FBXO41: variants seen among roughly 807,000 people sequenced by gnomAD.
FBXO41 encodes the protein F-box protein 41.
Under a neutral mutation model 81.6 loss-of-function variants are expected in FBXO41, and 33 were observed. That is an observed-to-expected ratio of 0.40 (90% CI 0.31 to 0.54). The LOEUF is 0.54. FBXO41 is among the 20% of genes least tolerant of loss of function. The probability of loss-of-function intolerance (pLI) is 0.39; values close to 1 mark genes in which losing one functional copy is unlikely to be tolerated. For synonymous variants in FBXO41, 576 were observed against 552.7 expected, an observed-to-expected ratio of 1.04 and a Z score of -0.59; for missense variants, 1,107 against 1,236.0, an observed-to-expected ratio of 0.90 and a Z score of 1.56.
chr2:73,283,956 C>T (rs1010936158), intron 1 of FBXO41, among the ~76,000 whole-genome samples: 1 of 152,062 alleles, frequency 6.6e-6, no homozygotes, highest in Non-Finnish European at 1.5e-5. Flanking sequence ...AGCCTGGTCT[C>T]GAAACGTTCT....
intron 1 of FBXO41, among the ~76,000 whole-genome samples, chr2:73,282,627 C>T (rs546590986): frequency 1.3e-5 from 2 of 152,202 alleles, no homozygotes; most frequent in East Asian, 1.9e-4. Context: ...TGCTTGGGCC[C>T]GGAAGGTCAA....
In FBXO41 at chr2:73,266,495, C is replaced by T. The variant is rs775634567; in HGVS notation, c.1093G>A (p.Gly365Ser). ...CCCCGGGCATTGGGTCCAGCACCACCGCCCCCACCTCCACGGCCCAGGCTG... is the reference window on the plus strand; with the variant it reads ...CCCCGGGCATTGGGTCCAGCACCACTGCCCCCACCTCCACGGCCCAGGCTG... Reference protein sequence around the residue: ...SASLGRGGGGGGAGPNARGPG... With the variant: ...SASLGRGGGGSGAGPNARGPG... Residue 365 changes from glycine (G) to serine (S), a missense_variant, in exon 3 of 13, where the codon GGT becomes AGT. Transcript: ENST00000520530. This position sits in a 1 kb window ranked among gnomAD's most constrained non-coding sequence, Gnocchi z 5.3. The T allele has an allele frequency of 6.3e-6, 10 of 1,579,806 alleles. No homozygotes were observed. Among genetic ancestry groups the T allele is most frequent in the East Asian group, 4.7e-5 (2 of 42,860 alleles).
chr2:73,274,612 C>G (rs1376482053), intron 1 of FBXO41, among the ~76,000 whole-genome samples: 1 of 151,976 alleles, frequency 6.6e-6, no homozygotes, highest in Non-Finnish European at 1.5e-5. Context: ...TTTAAAATTC[C>G]AGAATATTTT....
chr2:73,260,305 C>A lies in FBXO41; in HGVS notation c.2449+84G>T. ...TTGGCTGGAGACTCTGATCCATCTG[C>A]CCCAGTGATAGTTAGGATACCTGCT... On this transcript the variant is annotated intron_variant, in intron 11 of 12. Transcript: ENST00000520530. The surrounding 1 kb of genome is among the most constrained non-coding windows in gnomAD (Gnocchi z 5.0). 6.6e-7 allele frequency: 1 copy of A among 1,503,860 alleles called. No individual in the cohort carries two copies. The highest frequency in any genetic ancestry group is 1.3e-5 in the South Asian group (1 of 77,892). 93.2% of individuals were successfully genotyped at this position (1,503,860 alleles called of 1,614,324 possible). A position where few individuals can be genotyped will look rare whatever the true frequency, so the allele number is the denominator to read the frequency against.
rs1219495833 is a variant in FBXO41, at chr2:73,268,589, G to A, written c.905+137C>T. 4.9e-6 allele frequency: 4 copies of A among 816,432 alleles called. No individual in the cohort carries two copies. The African/African-American group carries it at 7.0e-5, about 14-fold the overall frequency. 50.6% of individuals were successfully genotyped at this position (816,432 alleles called of 1,614,324 possible). A position where few individuals can be genotyped will look rare whatever the true frequency, so the allele number is the denominator to read the frequency against. ...CATCATGACACTCTTGGCCCCACATGCATGCTCCTGGCCACGGATCCTCTA... is the reference window on the plus strand; with the variant it reads ...CATCATGACACTCTTGGCCCCACATACATGCTCCTGGCCACGGATCCTCTA... On this transcript the variant is annotated intron_variant, in intron 2 of 12. Coordinates refer to ENST00000520530, the MANE Select transcript of FBXO41 (RefSeq NM_001371389.2).
chr2:73,283,750 CCCAG>C (rs982776416), intron 1 of FBXO41, among the ~76,000 whole-genome samples: 4 of 152,172 alleles, frequency 2.6e-5, no homozygotes, highest in Non-Finnish European at 5.9e-5. Context: ...CGCACAGGTG[CCCAG>C]CCAGGCCTCA....
At chr2:73,277,016 C>T (rs543137374) in intron 1 of FBXO41, among the ~76,000 whole-genome samples, 1 of 152,190 alleles carries the variant, frequency 6.6e-6, no homozygotes, top group East Asian at 1.9e-4. Flanking sequence ...CCAGAAGTAG[C>T]CAGCCTTCTC....
rs545069996 is a variant in FBXO41, at chr2:73,256,223, G to C, written c.*2759C>G. ...ATCTTACTGGGTATGAGATGTGAAG[G>C]GATCCCGTTTGGGTGGGTAAAGATG... On this transcript the variant is annotated 3_prime_UTR_variant, in exon 13 of 13. Transcript: ENST00000520530. The C allele has an allele frequency of 1.3e-5, 2 of 152,314 alleles. No homozygotes were observed. Among genetic ancestry groups the C allele is most frequent in the Non-Finnish European group, 2.9e-5 (2 of 68,140 alleles). The allele number at this position is 152,314 out of a possible 1,614,324, so 9.4% of individuals were successfully genotyped here. A position where few individuals can be genotyped will look rare whatever the true frequency, so the allele number is the denominator to read the frequency against.
At position 73,278,784 on chromosome 2, in the gene FBXO41, C is replaced by T. The variant is rs1330979767; in HGVS notation, c.-139+5376G>A. ...GGTAGGAGAAGAAAGACAATCGGAG[C>T]ACATGAAACAGCATGTATAAGGGCA... On this transcript the variant is annotated intron_variant, in intron 1 of 12. Transcript: ENST00000520530. Among the ~76,000 whole-genome samples the T allele has an allele frequency of 4.6e-5, 7 of 152,176 alleles. No individual in the cohort carries two copies. In the South Asian group the frequency reaches 1.4e-3, roughly 32 times the overall value.
rs563816937 is a variant in FBXO41 at position 73,264,560 on chromosome 2, A to C, written c.1565-41T>G. ...GGTTCAAAAGTGAGCGTGGAGGGTC[A>C]AGGCTGGTGTGGGGATGTGTGTGGG... On this transcript the variant is annotated intron_variant, in intron 5 of 12. Coordinates refer to ENST00000520530, the MANE Select transcript of FBXO41 (RefSeq NM_001371389.2). 7.4e-5 allele frequency: 119 copies of C among 1,608,482 alleles called. No individual in the cohort carries two copies. In the South Asian group the frequency reaches 1.1e-3, roughly 15 times the overall value.
intron 5 of FBXO41, 51 bp from the exon 6 acceptor site, chr2:73,264,570 T>C (rs1156817096): frequency 6.2e-7 from 1 of 1,604,194 alleles, no homozygotes; most frequent in East Asian, 2.2e-5. Flanking sequence ...AAGGCTGGTG[T>C]GGGGATGTGT....
intron 2 of FBXO41, among the ~76,000 whole-genome samples, chr2:73,267,617 C>T (rs1197714217): frequency 6.6e-6 from 1 of 152,216 alleles, no homozygotes; most frequent in Non-Finnish European, 1.5e-5. Context: ...ACATAAATAA[C>T]ATCTATATAC....
At chr2:73,261,551 T>C (rs769538235) in intron 9 of FBXO41, among the ~76,000 whole-genome samples, 3 of 152,178 alleles carry the variant, frequency 2.0e-5, no homozygotes, top group Admixed American at 6.5e-5. Context: ...GGTGACAACA[T>C]AGACATGGTC....
Position 73,260,741 on chromosome 2 carries a change from G to A in FBXO41, c.2289C>T (p.Leu763=), listed in dbSNP as rs372882768. Residue 763 remains leucine, a splice_region_variant and synonymous_variant, in exon 10 of 13, where the codon CTC becomes CTT. Coordinates refer to ENST00000520530, the MANE Select transcript of FBXO41 (RefSeq NM_001371389.2). This position sits in a 1 kb window ranked among gnomAD's most constrained non-coding sequence, Gnocchi z 5.0. ...AGCGVQGLAS[L]ARNCMRLQVL... ...ACCCCAGTCCAAGGAAAGACTCACCGAGTGATGCCAGGCCCTGCACCCCAC... is the reference window on the plus strand; with the variant it reads ...ACCCCAGTCCAAGGAAAGACTCACCAAGTGATGCCAGGCCCTGCACCCCAC... 267 of 1,545,358 alleles carry A rather than the reference G, an allele frequency of 1.7e-4. No homozygotes were observed. The highest frequency in any genetic ancestry group is 2.2e-4 in the Non-Finnish European group (249 of 1,142,282).
intron 6 of FBXO41, 73 bp downstream of exon 6, chr2:73,264,205 C>T: frequency 1.2e-6 from 2 of 1,603,514 alleles, no homozygotes; most frequent in South Asian, 1.1e-5. Context: ...GACCAGACCT[C>T]AAGGGGCCAG....
In FBXO41 at chr2:73,258,666, A is replaced by T; in HGVS notation, c.*316T>A. 2.9e-6 allele frequency: 1 copy of T among 350,788 alleles called. No individual in the cohort carries two copies. Among genetic ancestry groups the T allele is most frequent in the Non-Finnish European group, 5.2e-6 (1 of 193,634 alleles). The allele number at this position is 350,788 out of a possible 1,614,324, so 21.7% of individuals were successfully genotyped here. ...TGAGGAGCCACTGGGTGGTTATTGC[A>T]GATCCTCCAGGTGATGACACCAGGC... is the stretch of plus-strand genomic sequence containing the variant. On this transcript the variant is annotated 3_prime_UTR_variant, in exon 13 of 13. Coordinates refer to ENST00000520530, the MANE Select transcript of FBXO41 (RefSeq NM_001371389.2).
At chr2:73,278,779 C>T (rs1688762636) in intron 1 of FBXO41, among the ~76,000 whole-genome samples, 2 of 152,104 alleles carry the variant, frequency 1.3e-5, no homozygotes, top group South Asian at 4.1e-4. Flanking sequence ...GAAAGACAAT[C>T]GGAGCACATG....
At chr2:73,263,415 T>A in intron 8 of FBXO41, 107 bp from the exon 9 acceptor site, 1 of 884,512 alleles carries the variant, frequency 1.1e-6, no homozygotes, top group Non-Finnish European at 1.7e-6. Context: ...AGCCCAGGAT[T>A]CCAGACTAGC....
intron 1 of FBXO41, chr2:73,272,147 CTG>C (rs1558590260): frequency 6.6e-6 from 1 of 152,264 alleles, no homozygotes; most frequent in Non-Finnish European, 1.5e-5. Flanking sequence ...GATGATTAAA[CTG>C]TCTCCCACCA....
Sources: allele counts gnomAD v4.1 joint callset (sites outside exome capture counted in the v4.1 genomes callset), GRCh38; gene constraint gnomAD v4.1.1; non-coding constraint Gnocchi (gnomAD v3.1); transcripts MANE v1.5; gene names NCBI Gene and HGNC (gene_info 2026-07-23, HGNC 2026-07-21).